Variants in DCP1B observed in about 807,000 individuals in gnomAD.
DCP1B encodes mRNA-decapping enzyme 1B.
Under a neutral mutation model 60.5 loss-of-function variants are expected in DCP1B, and 47 were observed. The observed-to-expected ratio is 0.78, with a 90% CI of 0.61 to 0.99. The LOEUF (loss-of-function observed/expected upper bound fraction) is 0.99. Ranked by LOEUF, DCP1B falls within the 50% of genes least tolerant of loss-of-function variation. The probability of loss-of-function intolerance (pLI) is 0.00; values close to 1 mark genes in which losing one functional copy is unlikely to be tolerated. For synonymous variants in DCP1B, 267 were observed against 280.3 expected (o/e 0.95, Z 0.47); for missense variants, 725 against 756.8 (o/e 0.96, Z 0.49).
intron 5 of DCP1B, among the ~76,000 whole-genome samples, chr12:1,959,087 CAG>C (rs1471561396): frequency 6.0e-5 from 9 of 149,208 alleles, no homozygotes; most frequent in Non-Finnish European, 1.2e-4. Flanking sequence ...TGGAAGGAAA[CAG>C]GGGGAAAGCT....
intron 5 of DCP1B, among the ~76,000 whole-genome samples, chr12:1,963,669 T>A (rs1239598631): frequency 1.3e-5 from 2 of 152,184 alleles, no homozygotes; most frequent in Non-Finnish European, 2.9e-5. Context: ...GATTTCTGTG[T>A]CCTTTCACAT....
intron 3 of DCP1B, among the ~76,000 whole-genome samples, chr12:1,979,513 T>C (rs1489314745): frequency 6.6e-6 from 1 of 152,092 alleles, no homozygotes; most frequent in Non-Finnish European, 1.5e-5. Context: ...GGTTTCACCA[T>C]GTTGGCCAGG....
Position 1,962,742 on chromosome 12 carries a change from A to G in DCP1B, c.522+2816T>C, listed in dbSNP as rs1471902122. 6.6e-6 allele frequency among the ~76,000 whole-genome samples: 1 copy of G among 152,172 alleles called. No individual in the cohort carries two copies. Among genetic ancestry groups the G allele is most frequent in the Non-Finnish European group, 1.5e-5 (1 of 68,030 alleles). Reference sequence around the variant, plus strand: ...CATCTCTGTCCAGGCCATACAATAGAAGGATAATTAAACTGTGGCTCATTC... The same window carrying G: ...CATCTCTGTCCAGGCCATACAATAGGAGGATAATTAAACTGTGGCTCATTC... On this transcript the variant is annotated intron_variant, in intron 5 of 8. Coordinates refer to ENST00000280665, the MANE Select transcript of DCP1B (RefSeq NM_152640.5). The surrounding 1 kb of genome is among the most constrained non-coding windows in gnomAD (Gnocchi z 4.4).
Position 1,949,040 on chromosome 12 carries a change from C to A in DCP1B, c.1773+46G>T, listed in dbSNP as rs1207591563. On this transcript the variant is annotated intron_variant, in intron 8 of 8. Coordinates refer to ENST00000280665, the MANE Select transcript of DCP1B (RefSeq NM_152640.5). ...TTATCTCATAGTTGCAGCCAGGAGG[C>A]CAACAGGCGTGGTCAGGTGCGAAGG... 5 of 1,587,510 alleles carry A rather than the reference C, an allele frequency of 3.1e-6. No individual in the cohort carries two copies. The African/African-American group carries it at 4.0e-5, about 13-fold the overall frequency.
At chr12:1,972,509 T>C (rs913820168) in intron 3 of DCP1B, among the ~76,000 whole-genome samples, 1 of 152,074 alleles carries the variant, frequency 6.6e-6, no homozygotes, top group Non-Finnish European at 1.5e-5. Flanking sequence ...AATAGAACCA[T>C]GAAATTTTAG....
intron 8 of DCP1B, among the ~76,000 whole-genome samples, chr12:1,947,982 A>T (rs1431373073): frequency 6.6e-6 from 1 of 152,196 alleles, no homozygotes; most frequent in Non-Finnish European, 1.5e-5. Context: ...GAACCTTTTT[A>T]AAAATGTTGT....
At chr12:1,963,032 T>C (rs576112677) in intron 5 of DCP1B, among the ~76,000 whole-genome samples, 27 of 152,326 alleles carry the variant, frequency 1.8e-4, no homozygotes, top group African/African-American at 6.5e-4. Flanking sequence ...CCACTTTCAC[T>C]TTCTGTAAAC....
At chr12:1,984,834 T>C (rs1246520977) in intron 3 of DCP1B, among the ~76,000 whole-genome samples, 1 of 150,432 alleles carries the variant, frequency 6.6e-6, no homozygotes, top group Non-Finnish European at 1.5e-5. Context: ...TCAGAGTATA[T>C]GTCTTTATTT....
At chr12:1,967,150 C>T (rs1394017863) in intron 4 of DCP1B, among the ~76,000 whole-genome samples, 1 of 152,228 alleles carries the variant, frequency 6.6e-6, no homozygotes. Context: ...GAGCAGAGAA[C>T]AAGCCCTCCT....
At position 1,996,616 on chromosome 12, in the gene DCP1B, TAAAAAAAAAAAAAAAAAAAAA is replaced by T. The variant is rs78563698; in HGVS notation, c.191+1298_191+1318del. 7.4e-4 allele frequency among the ~76,000 whole-genome samples: 14 copies of T among 18,844 alleles called. 1 individual carries two copies. The South Asian group carries it at 0.026, about 35-fold the overall frequency. 12.4% of individuals were successfully genotyped at this position (18,844 alleles called of 152,430 possible). ...AATACACTAATAATAGCTGATGAGC[TAAAAAAAAAAAAAAAAAAAAA>T]AAAAAAAAAAAAAAAAAACAACAAA... is the stretch of plus-strand genomic sequence containing the variant. On this transcript the variant is annotated intron_variant, in intron 2 of 8. Transcript: ENST00000280665.
intron 3 of DCP1B, among the ~76,000 whole-genome samples, chr12:1,980,080 C>T (rs2035661043): frequency 1.3e-5 from 2 of 152,262 alleles, no homozygotes; most frequent in South Asian, 4.1e-4. Flanking sequence ...TAAACAAACC[C>T]ATACACTATG....
In DCP1B at chr12:2,004,353, AGG is replaced by A; in HGVS notation, c.77_78del (p.Pro26LeufsTer28). On this transcript the variant is annotated frameshift_variant, in exon 1 of 9. Coordinates refer to ENST00000280665, the MANE Select transcript of DCP1B (RefSeq NM_152640.5). LOFTEE classifies it high-confidence loss of function. Reference sequence around the variant, plus strand: ...GCCACGTCCACGATGCGGTTGATATAGGGGTCGTGGCGCTGCAGGGCCGCTAG... The same window carrying A: ...GCCACGTCCACGATGCGGTTGATATAGGTCGTGGCGCTGCAGGGCCGCTAG... ...ISLAALQRHD[P>X]YINRIVDVAS... is the part of the protein sequence containing the mutation. 6.2e-7 allele frequency: 1 copy of A among 1,613,306 alleles called. No homozygotes were observed. Among genetic ancestry groups the A allele is most frequent in the Non-Finnish European group, 8.5e-7 (1 of 1,179,932 alleles).
At position 1,962,153 on chromosome 12, in the gene DCP1B, C is replaced by T. The variant is rs1256267247; in HGVS notation, c.522+3405G>A. 2.0e-5 allele frequency among the ~76,000 whole-genome samples: 3 copies of T among 152,176 alleles called. No homozygotes were observed. The highest frequency in any genetic ancestry group is 4.4e-5 in the Non-Finnish European group (3 of 68,042). ...TTAAGATTGGCCAGTTTGAATAACT[C>T]CAGCAGGCTCTAAACTGTATGAGTG... On this transcript the variant is annotated intron_variant, in intron 5 of 8. Coordinates refer to ENST00000280665, the MANE Select transcript of DCP1B (RefSeq NM_152640.5). The surrounding 1 kb of genome is among the most constrained non-coding windows in gnomAD (Gnocchi z 4.4).
intron 3 of DCP1B, among the ~76,000 whole-genome samples, chr12:1,982,340 A>G (rs866969387): frequency 3.3e-5 from 5 of 152,026 alleles, no homozygotes; most frequent in Non-Finnish European, 5.9e-5. Context: ...CATCATCCCA[A>G]ACTAAAACTC....
chr12:1,979,040 C>T (rs1392657404), intron 3 of DCP1B, among the ~76,000 whole-genome samples: 2 of 152,178 alleles, frequency 1.3e-5, no homozygotes, highest in South Asian at 2.1e-4. Flanking sequence ...TTCGGAGTCT[C>T]ACTCTGTCAC....
intron 3 of DCP1B, among the ~76,000 whole-genome samples, chr12:1,987,635 A>G (rs191580040): frequency 5.3e-5 from 8 of 152,260 alleles, no homozygotes; most frequent in Admixed American, 5.2e-4. Flanking sequence ...TTTCCCATAT[A>G]TCATGTATGT....
In DCP1B at chr12:1,971,998, T is replaced by C. The variant is rs1592832801; in HGVS notation, c.320-4088A>G. Among the ~76,000 whole-genome samples, 1 of 152,236 alleles carries C rather than the reference T, an allele frequency of 6.6e-6. No individual in the cohort carries two copies. Among genetic ancestry groups the C allele is most frequent in the Non-Finnish European group, 1.5e-5 (1 of 68,042 alleles). ...AGTGGATGATAAACACATAATTACA[T>C]GGGTAAAATTTAAATAGGCAGGACA... On this transcript the variant is annotated intron_variant, in intron 3 of 8. Transcript: ENST00000280665. This position sits in a 1 kb window ranked among gnomAD's most constrained non-coding sequence, Gnocchi z 4.2.
intron 5 of DCP1B, among the ~76,000 whole-genome samples, chr12:1,955,844 TGTGC>T (rs1295839329): frequency 1.8e-3 from 267 of 152,348 alleles, no homozygotes; most frequent in African/African-American, 6.0e-3. Context: ...TGAAAGGTTC[TGTGC>T]TTAATATATT....
chr12:2,000,845 T>C (rs2042029707), intron 1 of DCP1B, among the ~76,000 whole-genome samples: 1 of 152,180 alleles, frequency 6.6e-6, no homozygotes. Context: ...AAGACCAGCC[T>C]GGCCAACATG....
Sources: gnomAD v4.1 joint callset for allele counts (sites outside exome capture counted in the v4.1 genomes callset) on GRCh38, gnomAD v4.1.1 for gene constraint, Gnocchi (gnomAD v3.1) non-coding constraint, MANE v1.5 for transcripts, NCBI Gene and HGNC (gene_info 2026-07-23, HGNC 2026-07-21) for gene names.